The following MYB variants were observed in gnomAD, a reference collection of about 807,000 sequenced individuals.
MYB encodes MYB proto-oncogene, transcription factor.
In MYB, 28 loss-of-function variants were observed where a neutral mutation model predicts 92.9. The observed-to-expected ratio is 0.30, with a 90% CI of 0.22 to 0.41. The LOEUF (loss-of-function observed/expected upper bound fraction) is 0.41. Ranked by LOEUF, MYB falls within the 10% of genes least tolerant of loss-of-function variation. The pLI is 1.00. For synonymous variants in MYB, 295 were observed against 329.1 expected (o/e 0.90, Z 1.12); for missense variants, 679 against 929.3 (o/e 0.73, Z 3.50).
At position 135,189,866 on chromosome 6, in the gene MYB, AAAG is replaced by A. The variant is rs1176308544; in HGVS notation, c.297_299del (p.Glu99del). On this transcript the variant is annotated inframe_deletion, in exon 4 of 16. Coordinates refer to ENST00000341911, the MANE Select transcript of MYB (RefSeq NM_001130173.2). Reference sequence around the variant, plus strand: ...TGAGCTCATCAAGGGTCCTTGGACCAAAGAAGAAGATCAGAGAGTAAGTTCTTT... The same window carrying A: ...TGAGCTCATCAAGGGTCCTTGGACCAAAGAAGATCAGAGAGTAAGTTCTTT... The A allele has an allele frequency of 6.2e-7, 1 of 1,613,960 alleles. No homozygotes were observed. The highest frequency in any genetic ancestry group is 8.5e-7 in the Non-Finnish European group (1 of 1,179,840).
At position 135,191,896 on chromosome 6, in the gene MYB, T is replaced by A. The variant is rs576156999; in HGVS notation, c.528-428T>A. ...AGTATTCTTCATCAGCAGCATCTTA[T>A]CATCCACCAGACTTCACCATGTCCC... On this transcript the variant is annotated intron_variant, in intron 5 of 15. Transcript: ENST00000341911. Among the ~76,000 whole-genome samples the A allele has an allele frequency of 2.6e-5, 4 of 152,274 alleles. No homozygotes were observed. In the East Asian group the frequency reaches 5.8e-4, roughly 22 times the overall value.
chr6:135,192,998 A>G (rs1001337721), intron 6 of MYB, among the ~76,000 whole-genome samples: 8 of 152,190 alleles, frequency 5.3e-5, no homozygotes, highest in African/African-American at 1.9e-4. Context: ...TGACACTGAA[A>G]TTCAGTGGTT....
In MYB at chr6:135,200,361, TG is replaced by T; in HGVS notation, c.1897del (p.Val633LeufsTer12). ...IKQESDESGI[V>X]AEFQENGPPL... ...AACAGGAATCTGATGAATCTGGAAT[TG>T]TTGCTGAGTTTCAAGAAAATGGACC... On this transcript the variant is annotated frameshift_variant, in exon 13 of 16. Coordinates refer to ENST00000341911, the MANE Select transcript of MYB (RefSeq NM_001130173.2). LOFTEE classifies it high-confidence loss of function. 6.2e-7 allele frequency: 1 copy of T among 1,614,158 alleles called. No homozygotes were observed. The highest frequency in any genetic ancestry group is 8.5e-7 in the Non-Finnish European group (1 of 1,180,030).
intron 7 of MYB, 35 bp from the exon 8 acceptor site, chr6:135,194,321 C>G (rs765750564): frequency 1.3e-6 from 2 of 1,491,882 alleles, no homozygotes; most frequent in South Asian, 2.3e-5. Flanking sequence ...TCCAATCAGA[C>G]CTTTGTCTTT....
chr6:135,181,600 TC>T lies in MYB; in HGVS notation c.23+67del. 1 of 1,069,978 alleles carries T rather than the reference TC, an allele frequency of 9.3e-7. No homozygotes were observed. Among genetic ancestry groups the T allele is most frequent in the Non-Finnish European group, 1.2e-6 (1 of 860,348 alleles). The allele number at this position is 1,069,978 out of a possible 1,614,324, so 66.3% of individuals were successfully genotyped here. A position where few individuals can be genotyped will look rare whatever the true frequency, so the allele number is the denominator to read the frequency against. On this transcript the variant is annotated intron_variant, in intron 1 of 15. Transcript: ENST00000341911. The surrounding 1 kb of genome is among the most constrained non-coding windows in gnomAD (Gnocchi z 5.3). ...CGCGGGGGCGCGCGGGGCGCCAGGC[TC>T]CCGGGAGCAGGTGGGAATTCGTTCC...
chr6:135,187,637 A>G (rs1776096208), intron 2 of MYB, among the ~76,000 whole-genome samples, 197 bp from the exon 3 acceptor site: 1 of 152,210 alleles, frequency 6.6e-6, no homozygotes, highest in Non-Finnish European at 1.5e-5. Context: ...CACAATTAAT[A>G]GTTGAGTCAA....
At chr6:135,193,758 AC>A in intron 6 of MYB, 79 bp from the exon 7 acceptor site, 1 of 916,810 alleles carries the variant, frequency 1.1e-6, no homozygotes, top group Non-Finnish European at 1.7e-6. Context: ...CAGTCCCAGA[AC>A]GAAACCTCAG....
At chr6:135,192,670 A>G (rs1249794085) in intron 6 of MYB, 112 bp downstream of exon 6, 1 of 974,794 alleles carries the variant, frequency 1.0e-6, no homozygotes, top group Non-Finnish European at 1.6e-6. Context: ...GAGCATGATC[A>G]TGGCCAGTCT....
intron 14 of MYB, chr6:135,202,943 A>G (rs772879034): frequency 1.5e-6 from 1 of 663,856 alleles, no homozygotes; most frequent in African/African-American, 1.8e-5. Flanking sequence ...TAATTCATTT[A>G]GCAGATGTTT....
intron 13 of MYB, 95 bp downstream of exon 13, chr6:135,200,510 A>G: frequency 6.5e-7 from 1 of 1,549,712 alleles, no homozygotes; most frequent in Admixed American, 1.7e-5. Context: ...GCACTGTGCA[A>G]CACCACGACT....
chr6:135,192,662 G>A (rs1452081637), intron 6 of MYB, 104 bp downstream of exon 6: 3 of 1,051,914 alleles, frequency 2.9e-6, no homozygotes, highest in Non-Finnish European at 4.3e-6. Flanking sequence ...ACTTTCCTGA[G>A]CATGATCATG....
Position 135,181,670 on chromosome 6 carries a change from C to T in MYB, c.23+134C>T, listed in dbSNP as rs1171085367. ...GTCAGACCCTCCGAGGACCTGGAGCCCCTGCCTCGGCAGCAGAAGCCGCTC... is the reference window on the plus strand; with the variant it reads ...GTCAGACCCTCCGAGGACCTGGAGCTCCTGCCTCGGCAGCAGAAGCCGCTC... On this transcript the variant is annotated intron_variant, in intron 1 of 15. Coordinates refer to ENST00000341911, the MANE Select transcript of MYB (RefSeq NM_001130173.2). This position sits in a 1 kb window ranked among gnomAD's most constrained non-coding sequence, Gnocchi z 5.3. The T allele has an allele frequency of 5.5e-5, 28 of 509,686 alleles. No individual in the cohort carries two copies. The highest frequency in any genetic ancestry group is 7.4e-4 in the Middle Eastern group (2 of 2,704). 31.6% of individuals were successfully genotyped at this position (509,686 alleles called of 1,614,324 possible).
intron 2 of MYB, 95 bp downstream of exon 2, chr6:135,186,115 T>A: frequency 1.0e-6 from 1 of 987,944 alleles, no homozygotes; most frequent in Non-Finnish European, 1.5e-6. Flanking sequence ...TCAAGCTCAT[T>A]AGCAGGCTCC....
chr6:135,198,672 T>C lies in MYB; in HGVS notation c.1567-236T>C, dbSNP rs574661105. 3.3e-5 allele frequency among the ~76,000 whole-genome samples: 5 copies of C among 152,370 alleles called. No homozygotes were observed. The East Asian group carries it at 5.8e-4, about 18-fold the overall frequency. ...TTATTGAGAGTATTTTCTCACAGTT[T>C]TGCAAGTTTTTCAGCAATGACCCTA... On this transcript the variant is annotated intron_variant, in intron 10 of 15. Transcript: ENST00000341911.
At chr6:135,183,319 C>T (rs1012021357) in intron 1 of MYB, among the ~76,000 whole-genome samples, 4 of 152,180 alleles carry the variant, frequency 2.6e-5, no homozygotes, top group African/African-American at 7.2e-5. Flanking sequence ...TTGAACCCCT[C>T]CGAATCACAG....
At position 135,181,429 on chromosome 6, in the gene MYB, G is replaced by A; in HGVS notation, c.-85G>A. 1.0e-6 allele frequency: 1 copy of A among 970,242 alleles called. No homozygotes were observed. The highest frequency in any genetic ancestry group is 1.3e-6 in the Non-Finnish European group (1 of 781,910). 60.1% of individuals were successfully genotyped at this position (970,242 alleles called of 1,614,324 possible). Reference sequence around the variant, plus strand: ...GGAGCGCCGCTGCGCAGCCGGGGAGGGACGCAGGCAGGCGGCGGGCAGCGG... The same window carrying A: ...GGAGCGCCGCTGCGCAGCCGGGGAGAGACGCAGGCAGGCGGCGGGCAGCGG... On this transcript the variant is annotated 5_prime_UTR_variant, in exon 1 of 16. Coordinates refer to ENST00000341911, the MANE Select transcript of MYB (RefSeq NM_001130173.2). The surrounding 1 kb of genome is among the most constrained non-coding windows in gnomAD (Gnocchi z 5.3).
At position 135,181,691 on chromosome 6, in the gene MYB, C is replaced by T. The variant is rs1011647553; in HGVS notation, c.23+155C>T. Among the ~76,000 whole-genome samples the T allele has an allele frequency of 1.3e-5, 2 of 152,208 alleles. No homozygotes were observed. The highest frequency in any genetic ancestry group is 4.8e-5 in the African/African-American group (2 of 41,468). ...GAGCCCCTGCCTCGGCAGCAGAAGC[C>T]GCTCCAGAGACTGATGAATGGAAGA... On this transcript the variant is annotated intron_variant, in intron 1 of 15. Transcript: ENST00000341911. The surrounding 1 kb of genome is among the most constrained non-coding windows in gnomAD (Gnocchi z 5.3).
chr6:135,209,891 G>A (rs1779479099), intron 15 of MYB, among the ~76,000 whole-genome samples: 3 of 152,234 alleles, frequency 2.0e-5, no homozygotes, highest in Admixed American at 2.0e-4. Context: ...ACATTGTGTG[G>A]GGTAGAGGAT....
intron 15 of MYB, among the ~76,000 whole-genome samples, chr6:135,213,508 A>G (rs2237261): frequency 0.1 from 15,799 of 152,100 alleles, 903 homozygotes; most frequent in South Asian, 0.14. Context: ...GATTCAGTTG[A>G]TAATACTTAG....
Sources: allele counts gnomAD v4.1 joint callset (sites outside exome capture counted in the v4.1 genomes callset), GRCh38; gene constraint gnomAD v4.1.1; non-coding constraint Gnocchi (gnomAD v3.1); transcripts MANE v1.5; gene names NCBI Gene and HGNC (gene_info 2026-07-23, HGNC 2026-07-21).